MPRIP: variants seen among roughly 807,000 people sequenced by gnomAD.
MPRIP encodes myosin phosphatase Rho-interacting protein.
MPRIP carries 59 observed loss-of-function variants against 234.9 expected under a neutral mutation model. The ratio of observed to expected loss-of-function variants is 0.25; its 90% CI spans 0.20 to 0.31. MPRIP has a LOEUF of 0.31. MPRIP is among the 10% of genes least tolerant of loss of function. The pLI, the probability that MPRIP is intolerant of heterozygous loss-of-function variation, is 1.00. For missense variants in MPRIP, 2,436 were observed against 3,071.0 expected (o/e 0.79, Z 4.89); for synonymous variants, 1,144 against 1,263.9 (o/e 0.91, Z 2.01).
intron 3 of MPRIP, among the ~76,000 whole-genome samples, chr17:17,088,396 A>G (rs1467684073): frequency 1.3e-5 from 2 of 152,254 alleles, no homozygotes; most frequent in African/African-American, 2.4e-5. Flanking sequence ...GACTTTAGAT[A>G]TTAAGAAAGT....
chr17:17,154,170 C>T lies in MPRIP; in HGVS notation c.1720-136C>T, dbSNP rs1035150536. The stretch of plus-strand genomic sequence containing the variant: ...ATGTCCCAGTAGTGGGCACATGTGG[C>T]ACTCCTAGAAGGGTCACCCAGTCAC... On this transcript the variant is annotated intron_variant, in intron 12 of 23. Transcript: ENST00000651222. 6 of 680,540 alleles carry T rather than the reference C, an allele frequency of 8.8e-6. No individual in the cohort carries two copies. In the African/African-American group the frequency reaches 1.1e-4, roughly 12 times the overall value. 42.2% of individuals were successfully genotyped at this position (680,540 alleles called of 1,614,324 possible). A position where few individuals can be genotyped will look rare whatever the true frequency, so the allele number is the denominator to read the frequency against.
At chr17:17,133,433 G>A (rs901917986) in intron 5 of MPRIP, among the ~76,000 whole-genome samples, 1 of 152,158 alleles carries the variant, frequency 6.6e-6, no homozygotes, top group African/African-American at 2.4e-5. Context: ...CTTTGGTCAG[G>A]CCTCCCCTCT....
intron 3 of MPRIP, among the ~76,000 whole-genome samples, chr17:17,111,792 C>A (rs2090177352): frequency 6.6e-6 from 1 of 152,148 alleles, no homozygotes; most frequent in African/African-American, 2.4e-5. Flanking sequence ...AGACCTGTGC[C>A]CAGTCTCCCT....
chr17:17,174,776 G>A (rs1567777530), intron 19 of MPRIP, among the ~76,000 whole-genome samples: 1 of 150,742 alleles, frequency 6.6e-6, no homozygotes, highest in Admixed American at 6.6e-5. Context: ...CGGAGCCTGG[G>A]TGACAGAGCG....
At chr17:17,137,141 C>A (rs934474142) in intron 6 of MPRIP, among the ~76,000 whole-genome samples, 7 of 152,152 alleles carry the variant, frequency 4.6e-5, no homozygotes, top group African/African-American at 1.2e-4. Flanking sequence ...TCCTCTCAGG[C>A]CTATCCATTC....
intron 3 of MPRIP, among the ~76,000 whole-genome samples, chr17:17,089,173 ACTTAGTGG>A (rs1234435902): frequency 6.6e-6 from 1 of 152,230 alleles, no homozygotes; most frequent in Non-Finnish European, 1.5e-5. Flanking sequence ...GTTGCCACAA[ACTTAGTGG>A]CTTAAAACAA....
intron 23 of MPRIP, chr17:17,180,468 G>T: frequency 1.2e-6 from 1 of 816,060 alleles, no homozygotes; most frequent in Non-Finnish European, 2.2e-6. Context: ...GCCTGCTCTT[G>T]TTCCCCAGCC....
intron 23 of MPRIP, chr17:17,182,260 T>C (rs1242026045): frequency 6.6e-6 from 1 of 152,202 alleles, no homozygotes; most frequent in Admixed American, 6.5e-5. Context: ...TGTGCACTGA[T>C]CTGTGTCTTT....
At chr17:17,118,065 T>C (rs1198399218) in intron 3 of MPRIP, among the ~76,000 whole-genome samples, 1 of 152,240 alleles carries the variant, frequency 6.6e-6, no homozygotes. Flanking sequence ...CCTGGGCTGA[T>C]GGAAGCCCCA....
At chr17:17,098,486 G>T (rs1431527378) in intron 3 of MPRIP, among the ~76,000 whole-genome samples, 1 of 152,196 alleles carries the variant, frequency 6.6e-6, no homozygotes, top group Non-Finnish European at 1.5e-5. Flanking sequence ...GATTAGAACG[G>T]AATAAATACG....
chr17:17,090,954 CA>C (rs1326012425), intron 3 of MPRIP, among the ~76,000 whole-genome samples: 2 of 152,112 alleles, frequency 1.3e-5, no homozygotes, highest in African/African-American at 4.8e-5. Context: ...CAGGTATTTA[CA>C]CCTCTGCCAA....
At chr17:17,059,898 C>T (rs2088820246) in intron 1 of MPRIP, among the ~76,000 whole-genome samples, 2 of 152,152 alleles carry the variant, frequency 1.3e-5, no homozygotes, top group South Asian at 4.1e-4. Context: ...GCATAATTAG[C>T]AGAATCCCTT....
intron 3 of MPRIP, among the ~76,000 whole-genome samples, chr17:17,106,617 G>A (rs1213486215): frequency 6.6e-6 from 1 of 152,208 alleles, no homozygotes; most frequent in Non-Finnish European, 1.5e-5. Flanking sequence ...GGCTGGCCAG[G>A]CCTGCTGGAG....
At chr17:17,177,091 C>G (rs1394127233) in intron 21 of MPRIP, among the ~76,000 whole-genome samples, 159 bp from the exon 22 acceptor site, 2 of 152,226 alleles carry the variant, frequency 1.3e-5, no homozygotes, top group Admixed American at 6.5e-5. Flanking sequence ...TTTTTCCTCT[C>G]TGTCCACTGT....
rs756452853 is a variant in MPRIP, at chr17:17,158,890, C to A, written c.2288C>A (p.Thr763Asn). 1 of 1,612,222 alleles carries A rather than the reference C, an allele frequency of 6.2e-7. No individual in the cohort carries two copies. Among genetic ancestry groups the A allele is most frequent in the South Asian group, 1.1e-5 (1 of 91,056 alleles). Reference sequence around the variant, plus strand: ...GAGCAGCGGTGGCATCAGGTGGAGACCACACCTCTCCGGGAAGAGAAGCAG... The same window carrying A: ...GAGCAGCGGTGGCATCAGGTGGAGAACACACCTCTCCGGGAAGAGAAGCAG... ...EIEQRWHQVE[T>N]TPLREEKQVP... Residue 763 changes from threonine to asparagine, a missense_variant, in exon 14 of 24, where the codon ACC (threonine) becomes AAC (asparagine). Transcript: ENST00000651222.
chr17:17,111,598 C>T (rs910003985), intron 3 of MPRIP, among the ~76,000 whole-genome samples: 1 of 152,218 alleles, frequency 6.6e-6, no homozygotes, highest in African/African-American at 2.4e-5. Flanking sequence ...TGCTGGGGAA[C>T]AGCTGTGGAG....
At position 17,166,802 on chromosome 17, in the gene MPRIP, T is replaced by G; in HGVS notation, c.5211T>G (p.His1737Gln). Residue 1737 changes from histidine (H) to glutamine (Q), a missense_variant, in exon 16 of 24, where the codon CAT becomes CAG. Physicochemically the swap from His to Gln is conservative, Grantham distance 24. Around this residue, in one of 4 missense-constraint regions of MPRIP, gnomAD observed 1,998 missense variants for 2,520.3 expected, o/e 0.79. Coordinates refer to ENST00000651222, the MANE Select transcript of MPRIP (RefSeq NM_001364716.4). This position sits in a 1 kb window ranked among gnomAD's most constrained non-coding sequence, Gnocchi z 4.4. ...VLEALRLPAG[H>Q]EDGVQLSWDL... ...AAGCCCTCAGGCTTCCAGCGGGCCA[T>G]GAAGATGGTGTTCAGCTGTCCTGGG... is the stretch of plus-strand genomic sequence containing the variant. The G allele has an allele frequency of 1.5e-6, 2 of 1,304,204 alleles. No individual in the cohort carries two copies. Among genetic ancestry groups the G allele is most frequent in the Non-Finnish European group, 2.0e-6 (2 of 988,938 alleles). The allele number at this position is 1,304,204 out of a possible 1,614,324, so 80.8% of individuals were successfully genotyped here. A position where few individuals can be genotyped will look rare whatever the true frequency, so the allele number is the denominator to read the frequency against.
At chr17:17,173,807 G>T (rs777758891) in intron 18 of MPRIP, 109 bp from the exon 19 acceptor site, 2 of 1,283,166 alleles carry the variant, frequency 1.6e-6, no homozygotes, top group African/African-American at 2.9e-5. Context: ...ACAACAGACT[G>T]TGTGGGCCTG....
chr17:17,136,915 C>G (rs1371719234), intron 6 of MPRIP, among the ~76,000 whole-genome samples: 2 of 152,126 alleles, frequency 1.3e-5, no homozygotes, highest in Non-Finnish European at 2.9e-5. Flanking sequence ...ATCCTCGTGC[C>G]CTGTCTTTTA....
Sources: gnomAD v4.1 joint callset for allele counts (sites outside exome capture counted in the v4.1 genomes callset) on GRCh38, gnomAD v4.1.1 for gene constraint, gnomAD v4.1.1 regional missense constraint, Gnocchi (gnomAD v3.1) non-coding constraint, MANE v1.5 for transcripts, NCBI Gene and HGNC (gene_info 2026-07-23, HGNC 2026-07-21) for gene names.